The following LMOD1 variants were observed in gnomAD, a reference collection of about 807,000 sequenced individuals.
The protein encoded by LMOD1 is leiomodin 1, also known as leiomodin-1.
A neutral mutation model predicts 36.5 loss-of-function variants in LMOD1; 8 were observed. The ratio of observed to expected loss-of-function variants is 0.22; its 90% CI spans 0.13 to 0.40. The LOEUF (loss-of-function observed/expected upper bound fraction) is 0.40. LMOD1 is among the 10% of genes least tolerant of loss of function. LMOD1 has a pLI of 1.00. For synonymous variants in LMOD1, 284 were observed against 288.7 expected (o/e 0.98, Z 0.17); for missense variants, 630 against 751.1 (o/e 0.84, Z 1.88).
intron 1 of LMOD1, among the ~76,000 whole-genome samples, chr1:201,923,905 G>C (rs1379280166): frequency 7.5e-6 from 1 of 133,742 alleles, no homozygotes; most frequent in African/African-American, 2.8e-5. Flanking sequence ...GAGAGAGAGG[G>C]AGGGAGAGAG....
intron 2 of LMOD1, among the ~76,000 whole-genome samples, chr1:201,898,992 A>C (rs1681241086): frequency 6.6e-6 from 1 of 152,160 alleles, no homozygotes; most frequent in South Asian, 2.1e-4. Flanking sequence ...AGAAGCATGG[A>C]GTGAGGTATT....
chr1:201,906,582 G>T (rs1305323690), intron 1 of LMOD1, among the ~76,000 whole-genome samples: 1 of 152,218 alleles, frequency 6.6e-6, no homozygotes, highest in Non-Finnish European at 1.5e-5. Flanking sequence ...TGCCTTACAG[G>T]GCTGGTGTGC....
rs774928063 is a variant in LMOD1, at chr1:201,900,140, G to A, written c.873C>T (p.Pro291=). The A allele has an allele frequency of 1.9e-5, 30 of 1,613,742 alleles. No individual in the cohort carries two copies. The highest frequency in any genetic ancestry group is 1.1e-4 in the South Asian group (10 of 91,060). ...TGGGGCCACTGGGCGTCTGTTTCTC[G>A]GGTGTTTTGGTCTTGCTGTCATCCT... is the stretch of plus-strand genomic sequence containing the variant. ...EAKDDSKTKT[P]EKQTPSGPTK... Residue 291 remains proline, a synonymous_variant, in exon 2 of 3, where the codon CCC becomes CCT. Coordinates refer to ENST00000367288, the MANE Select transcript of LMOD1 (RefSeq NM_012134.3).
At chr1:201,932,321 A>G (rs1681937375) in intron 1 of LMOD1, among the ~76,000 whole-genome samples, 4 of 152,296 alleles carry the variant, frequency 2.6e-5, no homozygotes, top group Middle Eastern at 3.4e-3. Context: ...TTTGGAACAG[A>G]TGAATCCTGA....
chr1:201,926,033 A>C (rs1681821339), intron 1 of LMOD1, among the ~76,000 whole-genome samples: 3 of 152,132 alleles, frequency 2.0e-5, no homozygotes, highest in Non-Finnish European at 4.4e-5. Context: ...TTTAGGTAGT[A>C]ACATTTTTTT....
chr1:201,928,643 A>G (rs539131860), intron 1 of LMOD1, among the ~76,000 whole-genome samples: 2 of 152,350 alleles, frequency 1.3e-5, no homozygotes, highest in African/African-American at 4.8e-5. Context: ...TTCTCCAGAT[A>G]TTTTATGGAA....
chr1:201,914,788 A>T (rs1278145029), intron 1 of LMOD1, among the ~76,000 whole-genome samples: 1 of 117,208 alleles, frequency 8.5e-6, no homozygotes, highest in Non-Finnish European at 1.8e-5. Flanking sequence ...TCCTCCCCAC[A>T]TTGCACTCCC....
At chr1:201,908,047 G>T (rs1402161586) in intron 1 of LMOD1, among the ~76,000 whole-genome samples, 1 of 151,978 alleles carries the variant, frequency 6.6e-6, no homozygotes, top group Non-Finnish European at 1.5e-5. Context: ...CATTCCTTCA[G>T]GCCAGCCACA....
rs368486437 is a variant in LMOD1, at chr1:201,924,096, C to A, written c.261+21984G>T. On this transcript the variant is annotated intron_variant, in intron 1 of 2. Coordinates refer to ENST00000367288, the MANE Select transcript of LMOD1 (RefSeq NM_012134.3). ...CTTTGGGAGGCCGAGGCGGGCAGAT[C>A]ACGAGGTCAGGAGATCAAGACCATC... Among the ~76,000 whole-genome samples the A allele has an allele frequency of 6.9e-4, 104 of 151,416 alleles. 1 individual carries two copies. The East Asian group carries it at 0.017, about 25-fold the overall frequency.
intron 1 of LMOD1, among the ~76,000 whole-genome samples, chr1:201,901,511 A>AATATATATATATATATATATGTGTAT (rs1553295627): frequency 1.3e-5 from 1 of 75,228 alleles, no homozygotes; most frequent in South Asian, 4.1e-4. Flanking sequence ...TCAAAAAAAA[A>AATATATATATATATATATATGTGTAT]ATATATATAT....
At chr1:201,915,456 CTG>C (rs1391766049) in intron 1 of LMOD1, among the ~76,000 whole-genome samples, 1 of 152,120 alleles carries the variant, frequency 6.6e-6, no homozygotes, top group Non-Finnish European at 1.5e-5. Flanking sequence ...ACCTCAAAAA[CTG>C]GACTCCTTAT....
At chr1:201,915,391 A>C (rs1422841175) in intron 1 of LMOD1, among the ~76,000 whole-genome samples, 1 of 152,150 alleles carries the variant, frequency 6.6e-6, no homozygotes, top group African/African-American at 2.4e-5. Flanking sequence ...TGGGCCAGAC[A>C]CTACTAGGAA....
chr1:201,934,800 G>C (rs1233139941), intron 1 of LMOD1, among the ~76,000 whole-genome samples: 1 of 152,144 alleles, frequency 6.6e-6, no homozygotes, highest in Non-Finnish European at 1.5e-5. Context: ...GAATGGATGT[G>C]GTACAGTACT....
rs1238894635 is a variant in LMOD1, at chr1:201,936,688, A to G, written c.261+9392T>C. On this transcript the variant is annotated intron_variant, in intron 1 of 2. Coordinates refer to ENST00000367288, the MANE Select transcript of LMOD1 (RefSeq NM_012134.3). The stretch of plus-strand genomic sequence containing the variant: ...GTGGTGGCTCACACCTGTAATCCCA[A>G]CACTTTGGGAGACCGAGGCTGGTGG... Among the ~76,000 whole-genome samples, 3 of 151,916 alleles carry G rather than the reference A, an allele frequency of 2.0e-5. No individual in the cohort carries two copies. The East Asian group carries it at 5.8e-4, about 29-fold the overall frequency.
intron 1 of LMOD1, among the ~76,000 whole-genome samples, chr1:201,930,874 G>A (rs921879274): frequency 6.6e-6 from 1 of 152,176 alleles, no homozygotes; most frequent in Non-Finnish European, 1.5e-5. Context: ...GGAAATGAGT[G>A]TTTAAAAGAA....
At position 201,898,474 on chromosome 1, in the gene LMOD1, C is replaced by A. The variant is rs1001155578; in HGVS notation, c.1777-76G>T. 9 of 1,260,914 alleles carry A rather than the reference C, an allele frequency of 7.1e-6. No individual in the cohort carries two copies. In the Admixed American group the frequency reaches 8.4e-5, roughly 12 times the overall value. 78.1% of individuals were successfully genotyped at this position (1,260,914 alleles called of 1,614,324 possible). On this transcript the variant is annotated intron_variant, in intron 2 of 2. Coordinates refer to ENST00000367288, the MANE Select transcript of LMOD1 (RefSeq NM_012134.3). The stretch of plus-strand genomic sequence containing the variant: ...CCTCCCTCCCTACTGGAAGGACACA[C>A]AAGACACTGCAATATGTTATGTCTG...
chr1:201,906,633 G>A lies in LMOD1; in HGVS notation c.262-5882C>T, dbSNP rs143964794. ...GCAGGGCCCAGGGCTGGAAGGGACCGGGGGAGTTCACCCACTGCAGTCTCC... is the reference window on the plus strand; with the variant it reads ...GCAGGGCCCAGGGCTGGAAGGGACCAGGGGAGTTCACCCACTGCAGTCTCC... On this transcript the variant is annotated intron_variant, in intron 1 of 2. Transcript: ENST00000367288. Among the ~76,000 whole-genome samples the A allele has an allele frequency of 1.4e-3, 216 of 152,304 alleles. 1 individual carries two copies. The highest frequency in any genetic ancestry group is 2.5e-3 in the Non-Finnish European group (173 of 68,024).
In LMOD1 at chr1:201,905,916, G is replaced by T. The variant is rs138716378; in HGVS notation, c.262-5165C>A. 7.2e-4 allele frequency among the ~76,000 whole-genome samples: 109 copies of T among 152,354 alleles called. 1 individual carries two copies. The East Asian group carries it at 0.019, about 26-fold the overall frequency. ...TGATACCACTGCCGTGAATTCAGAA[G>T]TATTTGTTCCTTTCCCAAAGCAAGA... On this transcript the variant is annotated intron_variant, in intron 1 of 2. Transcript: ENST00000367288.
chr1:201,900,005 G>A lies in LMOD1; in HGVS notation c.1008C>T (p.Asn336=), dbSNP rs375832314. The change falls in exon 2 of 3, where the codon AAC becomes AAT. Residue 336 remains asparagine, a synonymous_variant. Coordinates refer to ENST00000367288, the MANE Select transcript of LMOD1 (RefSeq NM_012134.3). The part of the protein sequence containing the change: ...KNNDPEMTEV[N]VNNSDCITNE... The stretch of plus-strand genomic sequence containing the variant: ...TTGTGATGCAGTCTGAGTTGTTGAC[G>A]TTCACCTCAGTCATCTCGGGGTCAT... 80 of 1,613,724 alleles carry A rather than the reference G, an allele frequency of 5.0e-5. No homozygotes were observed. The highest frequency in any genetic ancestry group is 6.2e-5 in the Non-Finnish European group (73 of 1,179,892).
Sources: gnomAD v4.1 joint callset for allele counts (sites outside exome capture counted in the v4.1 genomes callset) on GRCh38, gnomAD v4.1.1 for gene constraint, MANE v1.5 for transcripts, NCBI Gene and HGNC (gene_info 2026-07-23, HGNC 2026-07-21) for gene names.